PRKN: variants seen among roughly 807,000 people sequenced by gnomAD.
PRKN encodes the protein parkin RBR E3 ubiquitin protein ligase, also known as E3 ubiquitin-protein ligase parkin.
Under a neutral mutation model 59.5 loss-of-function variants are expected in PRKN, and 56 were observed. The observed-to-expected ratio is 0.94, with a 90% CI of 0.76 to 1.18. The LOEUF (loss-of-function observed/expected upper bound fraction) is 1.18, where lower values mean the gene tolerates loss of function less well. Among genes scored for constraint, PRKN ranks in the 50% most tolerant of loss-of-function variants. PRKN has a pLI of 0.00. For missense variants in PRKN, 657 were observed against 596.4 expected (o/e 1.10, Z -1.06); for synonymous variants, 250 against 222.1 (o/e 1.13, Z -1.12).
In PRKN at chr6:161,738,345, C is replaced by G. The variant is rs114329451; in HGVS notation, c.871+47427G>C. ...TGTCAGGAAGGACCAGGGGTGCTCC[C>G]GTCATCTTTAAAATCTTCCATTCTG... is the stretch of plus-strand genomic sequence containing the variant. On this transcript the variant is annotated intron_variant, in intron 7 of 11. Coordinates refer to ENST00000366898, the MANE Select transcript of PRKN (RefSeq NM_004562.3). Among the ~76,000 whole-genome samples the G allele has an allele frequency of 6.3e-3, 965 of 152,248 alleles. 13 individuals carry two copies. Among genetic ancestry groups the G allele is most frequent in the African/African-American group, 0.022 (934 of 41,544 alleles).
intron 6 of PRKN, among the ~76,000 whole-genome samples, chr6:161,945,815 A>G (rs1232213437): frequency 6.6e-6 from 1 of 152,210 alleles, no homozygotes; most frequent in Non-Finnish European, 1.5e-5. Flanking sequence ...GTAGCAGAGA[A>G]ATATGTTTGT....
At chr6:162,515,847 A>G (rs1272678789) in intron 1 of PRKN, among the ~76,000 whole-genome samples, 1 of 152,196 alleles carries the variant, frequency 6.6e-6, no homozygotes, top group African/African-American at 2.4e-5. Flanking sequence ...CCTGAAAAGT[A>G]CTAGAAAGTT....
At chr6:161,968,979 C>T (rs1308829101) in intron 6 of PRKN, among the ~76,000 whole-genome samples, 2 of 152,098 alleles carry the variant, frequency 1.3e-5, no homozygotes, top group African/African-American at 2.4e-5. Flanking sequence ...GCAAATAAGC[C>T]AGTGAGAAAT....
At chr6:161,351,777 C>CT (rs1236574264) in intron 11 of PRKN, among the ~76,000 whole-genome samples, 1 of 152,196 alleles carries the variant, frequency 6.6e-6, no homozygotes, top group Non-Finnish European at 1.5e-5. Flanking sequence ...AAGAGCATCA[C>CT]TCTGCTATAG....
intron 2 of PRKN, 138 bp from the exon 3 acceptor site, chr6:162,262,903 T>A: frequency 9.3e-7 from 1 of 1,077,642 alleles, no homozygotes; most frequent in Non-Finnish European, 1.3e-6. Flanking sequence ...GGTGCTCCTT[T>A]GCCCACAGCA....
intron 4 of PRKN, among the ~76,000 whole-genome samples, chr6:162,115,442 A>C (rs1780628247): frequency 6.6e-6 from 1 of 152,024 alleles, no homozygotes; most frequent in South Asian, 2.1e-4. Context: ...ACATGTATAC[A>C]TATGTAACTA....
At chr6:161,993,275 C>T (rs1781720326) in intron 5 of PRKN, among the ~76,000 whole-genome samples, 1 of 152,106 alleles carries the variant, frequency 6.6e-6, no homozygotes, top group Non-Finnish European at 1.5e-5. Context: ...GACATTACCA[C>T]TAGCACCACA....
chr6:161,425,854 C>T (rs1255133944), intron 9 of PRKN, among the ~76,000 whole-genome samples: 2 of 152,114 alleles, frequency 1.3e-5, no homozygotes, highest in Admixed American at 6.5e-5. Context: ...ACACGGTGCC[C>T]CTGTTCCTTG....
chr6:161,765,145 GC>G (rs1308387129), intron 7 of PRKN, among the ~76,000 whole-genome samples: 1 of 152,152 alleles, frequency 6.6e-6, no homozygotes, highest in African/African-American at 2.4e-5. Flanking sequence ...CCCCAAAAAC[GC>G]TTCCATAATC....
chr6:162,185,001 G>A (rs1783964019), intron 4 of PRKN, among the ~76,000 whole-genome samples: 1 of 152,098 alleles, frequency 6.6e-6, no homozygotes, highest in African/African-American at 2.4e-5. Context: ...TTGGTCTTCT[G>A]TTCTGACTAA....
intron 1 of PRKN, among the ~76,000 whole-genome samples, chr6:162,469,350 AG>A (rs1425257566): frequency 2.1e-3 from 20 of 9,502 alleles, no homozygotes; most frequent in South Asian, 0.021. Flanking sequence ...GGGGGGTTGC[AG>A]GGGGGGGTGG....
chr6:161,926,001 A>G (rs927082039), intron 6 of PRKN, among the ~76,000 whole-genome samples: 1 of 152,202 alleles, frequency 6.6e-6, no homozygotes, highest in African/African-American at 2.4e-5. Context: ...GAGCTGAGAG[A>G]GGTCAAATAG....
At chr6:161,489,026 G>C (rs1777446436) in intron 9 of PRKN, among the ~76,000 whole-genome samples, 1 of 152,096 alleles carries the variant, frequency 6.6e-6, no homozygotes. Flanking sequence ...TGAAAGAAAA[G>C]GGGGCTAAGA....
At chr6:162,525,779 C>T (rs1187315908) in intron 1 of PRKN, among the ~76,000 whole-genome samples, 1 of 152,170 alleles carries the variant, frequency 6.6e-6, no homozygotes, top group Non-Finnish European at 1.5e-5. Context: ...ACAAGGTTGT[C>T]AAATGAATGA....
intron 9 of PRKN, among the ~76,000 whole-genome samples, chr6:161,443,057 C>T (rs1211110650): frequency 6.6e-6 from 1 of 152,050 alleles, no homozygotes; most frequent in Non-Finnish European, 1.5e-5. Flanking sequence ...CTTGTAATAC[C>T]AGCACTTTGG....
intron 6 of PRKN, among the ~76,000 whole-genome samples, chr6:161,865,253 A>C (rs1270447123): frequency 1.3e-5 from 2 of 152,178 alleles, no homozygotes. Flanking sequence ...AAACAGATGT[A>C]CTGTAATCCC....
intron 6 of PRKN, among the ~76,000 whole-genome samples, chr6:161,908,976 T>A (rs1169852503): frequency 2.6e-5 from 4 of 152,084 alleles, no homozygotes; most frequent in Non-Finnish European, 4.4e-5. Flanking sequence ...ATTAAAAAAA[T>A]AAAATAAATT....
chr6:162,707,450 A>G (rs926845134), intron 1 of PRKN, among the ~76,000 whole-genome samples: 10 of 152,214 alleles, frequency 6.6e-5, no homozygotes, highest in African/African-American at 2.2e-4. Context: ...AAGGACACAC[A>G]TTGTTAGAAG....
At chr6:162,481,250 T>C (rs1792297745) in intron 1 of PRKN, among the ~76,000 whole-genome samples, 1 of 152,234 alleles carries the variant, frequency 6.6e-6, no homozygotes, top group African/African-American at 2.4e-5. Flanking sequence ...AGATTTATAA[T>C]AGCAAACAGG....
Sources: gnomAD v4.1 joint callset for allele counts (sites outside exome capture counted in the v4.1 genomes callset) on GRCh38, gnomAD v4.1.1 for gene constraint, MANE v1.5 for transcripts, NCBI Gene and HGNC (gene_info 2026-07-23, HGNC 2026-07-21) for gene names.